Variants in RANBP2 observed in about 807,000 individuals in gnomAD.
RANBP2 encodes RAN binding protein 2.
RANBP2 carries 57 observed loss-of-function variants against 303.6 expected under a neutral mutation model. The ratio of observed to expected loss-of-function variants is 0.19; its 90% confidence interval spans 0.15 to 0.23. The LOEUF is 0.23. Among genes scored for constraint, RANBP2 ranks in the 10% least tolerant of loss-of-function variants. RANBP2 has a pLI of 1.00. For missense variants in RANBP2, 3,138 were observed against 3,780.8 expected (o/e 0.83, Z 4.46); for synonymous variants, 1,167 against 1,301.5 (o/e 0.90, Z 2.23).
At chr2:108,903,361 G>A in the RANBP2 span, among the ~76,000 whole-genome samples, 1 of 151,826 alleles carries the variant, frequency 6.6e-6, no homozygotes, top group Non-Finnish European at 1.5e-5. Flanking sequence ...ATCCCAGCAA[G>A]GCATTTTGTA....
the RANBP2 span, among the ~76,000 whole-genome samples, chr2:108,821,479 A>C: frequency 7.2e-5 from 11 of 152,238 alleles, no homozygotes; most frequent in Non-Finnish European, 2.9e-5. Flanking sequence ...AAGATGTTTT[A>C]TGTAATTGAT....
At chr2:109,096,462 T>C in the RANBP2 span, among the ~76,000 whole-genome samples, 1 of 152,186 alleles carries the variant, frequency 6.6e-6, no homozygotes, top group Non-Finnish European at 1.5e-5. Context: ...CCCTAAAATG[T>C]TTTTGTCATC....
the RANBP2 span, among the ~76,000 whole-genome samples, chr2:109,527,573 G>A: frequency 1.3e-5 from 2 of 152,050 alleles, no homozygotes; most frequent in East Asian, 3.9e-4. Context: ...AGCCACATTA[G>A]GATGAATCCC....
chr2:109,251,861 G>A, the RANBP2 span, among the ~76,000 whole-genome samples: 2 of 152,112 alleles, frequency 1.3e-5, no homozygotes, highest in Non-Finnish European at 2.9e-5. Context: ...TACATAATGA[G>A]TTTTAAGAGG....
At chr2:109,576,515 T>C in the RANBP2 span, among the ~76,000 whole-genome samples, 20 of 152,290 alleles carry the variant, frequency 1.3e-4, no homozygotes, top group Non-Finnish European at 2.4e-4. Flanking sequence ...AGTTAAGTGA[T>C]CCTTTGGAAA....
chr2:109,661,900 T>G, the RANBP2 span, among the ~76,000 whole-genome samples: 1 of 152,318 alleles, frequency 6.6e-6, no homozygotes, highest in Middle Eastern at 3.4e-3. Context: ...TTGAGTAAGC[T>G]TGACTTCTCC....
the RANBP2 span, among the ~76,000 whole-genome samples, chr2:109,206,655 A>AT: frequency 3.3e-5 from 5 of 151,880 alleles, no homozygotes; most frequent in African/African-American, 4.8e-5. Flanking sequence ...CAAAAAAAAA[A>AT]TTTTTTTTAA....
At chr2:109,492,309 A>G in the RANBP2 span, among the ~76,000 whole-genome samples, 3 of 152,344 alleles carry the variant, frequency 2.0e-5, no homozygotes, top group African/African-American at 7.2e-5. Flanking sequence ...CAGCCCTGAC[A>G]GAGATGATGC....
At position 108,765,171 on chromosome 2, in the gene RANBP2, A is replaced by C; in HGVS notation, c.4632A>C (p.Glu1544Asp). The C allele has an allele frequency of 6.2e-7, 1 of 1,614,150 alleles. No individual in the cohort carries two copies. Among genetic ancestry groups the C allele is most frequent in the Non-Finnish European group, 8.5e-7 (1 of 1,179,994 alleles). The change falls in exon 20 of 29, where the codon GAA (glutamate) becomes GAC (aspartate). Residue 1544 changes from glutamate to aspartate, a missense_variant. This residue lies in a region of RANBP2 where 388 missense variants were observed against 328.5 expected (regional missense o/e 1.18). Coordinates refer to ENST00000283195, the MANE Select transcript of RANBP2 (RefSeq NM_006267.5). ...TTGAAGACATGTTTGCTAAGAAGGA[A>C]GGACAGTGGGATTGCAGTTCATGCT... ...SGFEDMFAKK[E>D]GQWDCSSCLV...
At chr2:109,132,804 T>G in the RANBP2 span, among the ~76,000 whole-genome samples, 1 of 152,220 alleles carries the variant, frequency 6.6e-6, no homozygotes, top group South Asian at 2.1e-4. Context: ...AAAATCCCTT[T>G]AACATCCCAA....
chr2:108,965,451 C>G, the RANBP2 span, among the ~76,000 whole-genome samples: 2 of 122,158 alleles, frequency 1.6e-5, no homozygotes, highest in African/African-American at 6.2e-5. Context: ...GGAGACAGAG[C>G]GAGATTTCGT....
chr2:109,032,032 T>C, the RANBP2 span, among the ~76,000 whole-genome samples: 1 of 151,888 alleles, frequency 6.6e-6, no homozygotes, highest in Non-Finnish European at 1.5e-5. Context: ...TCAAACCCCC[T>C]ACGGTTACGT....
chr2:109,262,138 A>C, the RANBP2 span, among the ~76,000 whole-genome samples: 1 of 152,192 alleles, frequency 6.6e-6, no homozygotes, highest in Non-Finnish European at 1.5e-5. Context: ...GGAAATGCTT[A>C]TTATTACAGT....
the RANBP2 span, among the ~76,000 whole-genome samples, chr2:109,476,822 G>A: frequency 4.6e-5 from 7 of 152,278 alleles, no homozygotes; most frequent in East Asian, 9.7e-4. Context: ...CTAAACAAGG[G>A]GTGGATTATT....
At chr2:109,188,215 G>C in the RANBP2 span, among the ~76,000 whole-genome samples, 1 of 152,246 alleles carries the variant, frequency 6.6e-6, no homozygotes, top group South Asian at 2.1e-4. Context: ...TCCTGCTGCA[G>C]CTTTGCCATG....
chr2:109,316,207 C>T, the RANBP2 span, among the ~76,000 whole-genome samples: 2 of 152,188 alleles, frequency 1.3e-5, no homozygotes, highest in Non-Finnish European at 2.9e-5. Context: ...CCACCAGTGT[C>T]CTGGCTCTTG....
chr2:108,983,172 C>T, the RANBP2 span, among the ~76,000 whole-genome samples: 5 of 152,102 alleles, frequency 3.3e-5, no homozygotes, highest in South Asian at 2.1e-4. Context: ...CAGAGGATGC[C>T]GCATGTCAAC....
At chr2:109,190,259 C>T in the RANBP2 span, among the ~76,000 whole-genome samples, 9 of 152,202 alleles carry the variant, frequency 5.9e-5, no homozygotes, top group African/African-American at 9.6e-5. Context: ...CTGCAACCTC[C>T]GCCTCGCGGG....
the RANBP2 span, among the ~76,000 whole-genome samples, chr2:108,857,604 G>A: frequency 6.6e-6 from 1 of 152,076 alleles, no homozygotes; most frequent in Non-Finnish European, 1.5e-5. Context: ...ATTGTCTGAT[G>A]TATTTTATCA....
Sources: gnomAD v4.1 joint callset for allele counts (sites outside exome capture counted in the v4.1 genomes callset) on GRCh38, gnomAD v4.1.1 for gene constraint, gnomAD v4.1.1 regional missense constraint, MANE v1.5 for transcripts, NCBI Gene and HGNC (gene_info 2026-07-23, HGNC 2026-07-21) for gene names.